TSPOAP1: variants seen among roughly 807,000 people sequenced by gnomAD.
TSPOAP1 encodes TSPO associated protein 1.
A neutral mutation model predicts 197.0 loss-of-function variants in TSPOAP1; 87 were observed. The ratio of observed to expected loss-of-function variants is 0.44; its 90% CI spans 0.37 to 0.53. The LOEUF (loss-of-function observed/expected upper bound fraction) is 0.53. Ranked by LOEUF, TSPOAP1 falls within the 20% of genes least tolerant of loss-of-function variation. The probability of loss-of-function intolerance (pLI) is 0.00; values close to 1 mark genes in which losing one functional copy is unlikely to be tolerated. For synonymous variants in TSPOAP1, 913 were observed against 998.9 expected (o/e 0.91, Z 1.62); for missense variants, 2,174 against 2,411.3 (o/e 0.90, Z 2.06).
At position 58,324,878 on chromosome 17, in the gene TSPOAP1, G is replaced by A. The variant is rs1049527322; in HGVS notation, c.875C>T (p.Pro292Leu). The A allele has an allele frequency of 6.5e-7, 1 of 1,531,728 alleles. No individual in the cohort carries two copies. Among genetic ancestry groups the A allele is most frequent in the Non-Finnish European group, 8.7e-7 (1 of 1,144,300 alleles). 94.9% of individuals were successfully genotyped at this position (1,531,728 alleles called of 1,614,324 possible). The change falls in exon 5 of 32, where the codon CCG (proline) becomes CTG (leucine). Residue 292 changes from proline (P) to leucine (L), a missense_variant. By Grantham distance (98) the Pro-to-Leu change is moderately conservative. Around this residue, in one of 5 missense-constraint regions of TSPOAP1, gnomAD observed 1,933 missense variants for 2,139.0 expected, o/e 0.90. Coordinates refer to ENST00000343736, the MANE Select transcript of TSPOAP1 (RefSeq NM_004758.4). The surrounding 1 kb of genome is among the most constrained non-coding windows in gnomAD (Gnocchi z 5.8). ...GAGAGCAGGGCCCGGGGGCCAGGAC[G>A]GCGGGAGCGGGAGCGTCTCCCGCTG... ...RNQRETLPLP[P>L]SWPPGPALQA...
intron 16 of TSPOAP1, among the ~76,000 whole-genome samples, chr17:58,313,161 T>TA (rs1332118129): frequency 1.3e-5 from 2 of 152,214 alleles, no homozygotes; most frequent in African/African-American, 4.8e-5. Context: ...TTAACCTACA[T>TA]ATAAAGCAAA....
Position 58,306,781 on chromosome 17 carries a change from GGACA to G in TSPOAP1, c.5152+15_5152+18del. The G allele has an allele frequency of 6.3e-7, 1 of 1,599,384 alleles. No homozygotes were observed. Among genetic ancestry groups the G allele is most frequent in the South Asian group, 1.1e-5 (1 of 90,210 alleles). On this transcript the variant is annotated intron_variant, in intron 25 of 31. Transcript: ENST00000343736. Reference sequence around the variant, plus strand: ...AGGGGGCTGGTGGGAGGTGGGTGAGGGACAGCAGCAGGTCATACCTGAGCCCTCA... The same window carrying G: ...AGGGGGCTGGTGGGAGGTGGGTGAGGGCAGCAGGTCATACCTGAGCCCTCA...
At chr17:58,323,076 C>A in intron 7 of TSPOAP1, 37 bp from the exon 8 acceptor site, 1 of 1,579,976 alleles carries the variant, frequency 6.3e-7, no homozygotes, top group Non-Finnish European at 8.6e-7. Context: ...GGGAGCCCAG[C>A]ACCCACATTC....
In TSPOAP1 at chr17:58,311,721, G is replaced by A. The variant is rs751184994; in HGVS notation, c.2931C>T (p.Gly977=). 1.9e-6 allele frequency: 3 copies of A among 1,566,362 alleles called. No homozygotes were observed. Among genetic ancestry groups the A allele is most frequent in the South Asian group, 1.2e-5 (1 of 84,716 alleles). ...ATLQFTTLPA[G]PPDAPLDVQI... ...GCACATCCAGAGGGGCATCAGGTGG[G>A]CCTGGGGGCAGGGGGGCACAAGACC... Residue 977 remains glycine, a splice_region_variant and synonymous_variant, in exon 18 of 32, where the codon GGC becomes GGT. Transcript: ENST00000343736.
In TSPOAP1 at chr17:58,319,071, C is replaced by A. The variant is rs1043983243; in HGVS notation, c.1699+19G>T. ...CAGGCCTGGGGATTCCAGGCCAATG[C>A]CACTGGGGTCCACCTTACCTTTGGG... On this transcript the variant is annotated intron_variant, in intron 13 of 31. Coordinates refer to ENST00000343736, the MANE Select transcript of TSPOAP1 (RefSeq NM_004758.4). 6.7e-7 allele frequency: 1 copy of A among 1,497,752 alleles called. No homozygotes were observed. The highest frequency in any genetic ancestry group is 9.0e-7 in the Non-Finnish European group (1 of 1,115,886). The allele number at this position is 1,497,752 out of a possible 1,614,324, so 92.8% of individuals were successfully genotyped here.
Position 58,327,721 on chromosome 17 carries a change from C to T in TSPOAP1, c.200G>A (p.Gly67Glu), listed in dbSNP as rs1191295916. 7 of 1,614,060 alleles carry T rather than the reference C, an allele frequency of 4.3e-6. No individual in the cohort carries two copies. The highest frequency in any genetic ancestry group is 1.7e-5 in the Admixed American group (1 of 60,008). Residue 67 changes from glycine to glutamate, a missense_variant, in exon 1 of 32, where the codon GGG becomes GAG. Gly to Glu is a moderately conservative substitution (Grantham distance 98). Transcript: ENST00000343736. ...SEESSKPKGDGSSRPVGGTDP... is the reference protein window; with the variant it reads ...SEESSKPKGDESSRPVGGTDP... Reference sequence around the variant, plus strand: ...AGTTCCCCCCACGGGCCTGGAGCTCCCGTCTCCTTTGGGCTTGGAACTCTC... The same window carrying T: ...AGTTCCCCCCACGGGCCTGGAGCTCTCGTCTCCTTTGGGCTTGGAACTCTC...
Position 58,307,630 on chromosome 17 carries a change from C to T in TSPOAP1, c.4964G>A (p.Arg1655Gln), listed in dbSNP as rs147089668. The change falls in exon 24 of 32, where the codon CGA becomes CAA. Residue 1655 changes from arginine to glutamine, a missense_variant. Physicochemically the swap from Arg to Gln is conservative, Grantham distance 43. Coordinates refer to ENST00000343736, the MANE Select transcript of TSPOAP1 (RefSeq NM_004758.4). ...PDAGEEELPF[R>Q]EGQILKVFGD... Reference sequence around the variant, plus strand: ...AGTCACCTTCAGGATCTGACCCTCTCGGAAGGGAAGCTCTTCTTCTCCAGC... The same window carrying T: ...AGTCACCTTCAGGATCTGACCCTCTTGGAAGGGAAGCTCTTCTTCTCCAGC... The T allele has an allele frequency of 1.4e-3, 2,193 of 1,613,954 alleles. No individual in the cohort carries two copies. The highest frequency in any genetic ancestry group is 1.7e-3 in the Non-Finnish European group (1,968 of 1,180,008).
In TSPOAP1 at chr17:58,325,515, G is replaced by T; in HGVS notation, c.750+19C>A. 6.2e-7 allele frequency: 1 copy of T among 1,611,276 alleles called. No individual in the cohort carries two copies. Among genetic ancestry groups the T allele is most frequent in the South Asian group, 1.1e-5 (1 of 90,914 alleles). ...TGTGCAGGGCTGAGCTGGAAGAGGT[G>T]ACCAGGGCCTCCTCGCACCTTGCCC... On this transcript the variant is annotated intron_variant, in intron 4 of 31. Coordinates refer to ENST00000343736, the MANE Select transcript of TSPOAP1 (RefSeq NM_004758.4).
In TSPOAP1 at chr17:58,310,034, A is replaced by G; in HGVS notation, c.3824T>C (p.Leu1275Pro). 1.2e-6 allele frequency: 2 copies of G among 1,613,518 alleles called. No individual in the cohort carries two copies. Among genetic ancestry groups the G allele is most frequent in the Non-Finnish European group, 1.7e-6 (2 of 1,179,894 alleles). The change falls in exon 21 of 32, where the codon CTG becomes CCG. Residue 1275 changes from leucine (L) to proline (P), a missense_variant. Physicochemically the swap from Leu to Pro is moderately conservative, Grantham distance 98. Transcript: ENST00000343736. ...EEEEEEEEEE[L>P]GSRTCSFQKQ... ...CTGGAAGGAGCAAGTCCTGGAACCCAGCTCCTCTTCCTCCTCCTCCTCCTC... is the reference window on the plus strand; with the variant it reads ...CTGGAAGGAGCAAGTCCTGGAACCCGGCTCCTCTTCCTCCTCCTCCTCCTC...
In TSPOAP1 at chr17:58,325,099, TC is replaced by T. The variant is rs898160105; in HGVS notation, c.751-98del. On this transcript the variant is annotated intron_variant, in intron 4 of 31. Transcript: ENST00000343736. ...GAGCCCTTCGCCTTGCTGGAGGGGC[TC>T]CGATGCGCGAGACTGTGCACACCCT... 3.5e-6 allele frequency: 4 copies of T among 1,135,962 alleles called. No individual in the cohort carries two copies. In the African/African-American group the frequency reaches 4.7e-5, roughly 13 times the overall value. The allele number at this position is 1,135,962 out of a possible 1,614,324, so 70.4% of individuals were successfully genotyped here.
rs1218132844 is a variant in TSPOAP1, at chr17:58,327,641, A to T, written c.280T>A (p.Ser94Thr). The change falls in exon 1 of 32, where the codon TCT (serine) becomes ACT (threonine). Residue 94 changes from serine to threonine, a missense_variant. Ser to Thr is a moderately conservative substitution (Grantham distance 58, BLOSUM62 1). Coordinates refer to ENST00000343736, the MANE Select transcript of TSPOAP1 (RefSeq NM_004758.4). ...LPSLGQQASSSGPACQRPEDE... is the reference protein window; with the variant it reads ...LPSLGQQASSTGPACQRPEDE... ...TCTGGCCTCTGGCAGGCGGGTCCAG[A>T]GCTGGATGCTTGCTGGCCCAGGCTG... 1 of 1,613,580 alleles carries T rather than the reference A, an allele frequency of 6.2e-7. No homozygotes were observed. Among genetic ancestry groups the T allele is most frequent in the Non-Finnish European group, 8.5e-7 (1 of 1,180,028 alleles).
Position 58,304,462 on chromosome 17 carries a change from C to T in TSPOAP1, c.5545-63G>A. The T allele has an allele frequency of 7.0e-7, 1 of 1,436,266 alleles. No individual in the cohort carries two copies. Among genetic ancestry groups the T allele is most frequent in the South Asian group, 1.1e-5 (1 of 87,368 alleles). The allele number at this position is 1,436,266 out of a possible 1,614,324, so 89.0% of individuals were successfully genotyped here. A position where few individuals can be genotyped will look rare whatever the true frequency, so the allele number is the denominator to read the frequency against. On this transcript the variant is annotated intron_variant, in intron 30 of 31. Transcript: ENST00000343736. The surrounding 1 kb of genome is among the most constrained non-coding windows in gnomAD (Gnocchi z 4.2). ...ACAGACCCGCACCTTCTCCGCCCGG[C>T]CACCAGGTGGCCCTGCGCAGGGGTG...
At chr17:58,318,973 C>G in intron 13 of TSPOAP1, 117 bp downstream of exon 13, 2 of 1,192,310 alleles carry the variant, frequency 1.7e-6, no homozygotes, top group Non-Finnish European at 2.3e-6. Flanking sequence ...AGGCACAGCT[C>G]TAACCTGCTG....
intron 25 of TSPOAP1, 148 bp downstream of exon 25, chr17:58,306,652 C>G: frequency 9.3e-7 from 1 of 1,080,016 alleles, no homozygotes; most frequent in Non-Finnish European, 1.3e-6. Flanking sequence ...TACAGTCTGA[C>G]CACTACGCAG....
In TSPOAP1 at chr17:58,324,987, G is replaced by A; in HGVS notation, c.766C>T (p.Leu256Phe). 1.3e-6 allele frequency: 2 copies of A among 1,536,188 alleles called. No individual in the cohort carries two copies. The highest frequency in any genetic ancestry group is 1.8e-6 in the Non-Finnish European group (2 of 1,142,190). The change falls in exon 5 of 32, where the codon CTC becomes TTC. Residue 256 changes from leucine (L) to phenylalanine (F), a missense_variant. Leu to Phe is a conservative substitution (Grantham distance 22, BLOSUM62 0). This residue lies in a region of TSPOAP1 where 1,933 missense variants were observed against 2,139.0 expected (regional missense o/e 0.90). Transcript: ENST00000343736. This position sits in a 1 kb window ranked among gnomAD's most constrained non-coding sequence, Gnocchi z 5.8. ...AGCCGATCGAAGTCCCGCACGTGGAGCCACTGGGGACCCTCCTGAGGTTGG... is the reference window on the plus strand; with the variant it reads ...AGCCGATCGAAGTCCCGCACGTGGAACCACTGGGGACCCTCCTGAGGTTGG... The part of the protein sequence containing the change: ...TLVGKEGPQW[L>F]HVRDFDRLLR...
In TSPOAP1 at chr17:58,322,731, T is replaced by A. The variant is rs1187674796; in HGVS notation, c.1240A>T (p.Thr414Ser). Residue 414 changes from threonine to serine, a missense_variant, in exon 9 of 32, where the codon ACA becomes TCA. Around this residue, in one of 5 missense-constraint regions of TSPOAP1, gnomAD observed 1,933 missense variants for 2,139.0 expected, o/e 0.90. Transcript: ENST00000343736. The surrounding 1 kb of genome is among the most constrained non-coding windows in gnomAD (Gnocchi z 5.0). ...AELRGQLLGV[T>S]QERDSALRKS... Reference sequence around the variant, plus strand: ...CGAAGGGCTGAGTCCCTCTCCTGTGTCACCCCCAGGAGCTGGCCCCTCAGC... The same window carrying A: ...CGAAGGGCTGAGTCCCTCTCCTGTGACACCCCCAGGAGCTGGCCCCTCAGC... The A allele has an allele frequency of 1.2e-6, 2 of 1,612,810 alleles. No homozygotes were observed. Among genetic ancestry groups the A allele is most frequent in the Non-Finnish European group, 1.7e-6 (2 of 1,179,974 alleles).
intron 10 of TSPOAP1, among the ~76,000 whole-genome samples, chr17:58,321,914 T>G (rs1971415442): frequency 6.6e-6 from 1 of 152,222 alleles, no homozygotes; most frequent in Non-Finnish European, 1.5e-5. Flanking sequence ...CCCACCACGC[T>G]GCCCATCCCT....
intron 16 of TSPOAP1, among the ~76,000 whole-genome samples, chr17:58,314,148 C>A (rs9893439): frequency 0.011 from 1,632 of 152,100 alleles, 22 homozygotes; most frequent in African/African-American, 0.037. Flanking sequence ...CCTGGAGTTT[C>A]CCCCAACAGT....
intron 4 of TSPOAP1, 100 bp from the exon 5 acceptor site, chr17:58,325,102 G>T: frequency 9.2e-7 from 1 of 1,085,000 alleles, no homozygotes; most frequent in Non-Finnish European, 1.3e-6. Flanking sequence ...GAGGGGCTCC[G>T]ATGCGCGAGA....
Sources: allele counts gnomAD v4.1 joint callset (sites outside exome capture counted in the v4.1 genomes callset), GRCh38; gene constraint gnomAD v4.1.1; regional missense constraint gnomAD v4.1.1; non-coding constraint Gnocchi (gnomAD v3.1); transcripts MANE v1.5; gene names NCBI Gene and HGNC (gene_info 2026-07-23, HGNC 2026-07-21).